Variants in VMA22 observed in about 807,000 individuals in gnomAD.
The protein encoded by VMA22 is vacuolar ATPase assembly protein VMA22.
At chr2:130,338,784 C>T in the VMA22 span, 2 of 264,858 alleles carry the variant, frequency 7.6e-6, no homozygotes, top group Non-Finnish European at 1.5e-5. Context: ...GCCCCCATCT[C>T]TCTTCGCACA....
At chr2:130,341,669 G>A in the VMA22 span, 2 of 1,610,456 alleles carry the variant, frequency 1.2e-6, no homozygotes, top group Non-Finnish European at 1.7e-6. Context: ...GGGCTCACCT[G>A]CTTCGCGAGG....
the VMA22 span, chr2:130,341,127 T>C: frequency 7.1e-7 from 1 of 1,412,266 alleles, no homozygotes; most frequent in Middle Eastern, 2.0e-4. Context: ...TCTGAGCTCA[T>C]GATTCTATAA....
the VMA22 span, chr2:130,341,209 C>G: frequency 1.4e-6 from 1 of 727,906 alleles, no homozygotes; most frequent in East Asian, 2.7e-5. Context: ...AGCCTTTCCC[C>G]TTGTGATTCA....
At chr2:130,339,529 C>T in the VMA22 span, 8 of 1,286,270 alleles carry the variant, frequency 6.2e-6, no homozygotes, top group Non-Finnish European at 8.1e-6. Flanking sequence ...TCCTTCCTTC[C>T]CCCATTATTA....
At chr2:130,342,137 C>A in the VMA22 span, 3 of 1,613,204 alleles carry the variant, frequency 1.9e-6, no homozygotes, top group Non-Finnish European at 2.5e-6. Flanking sequence ...GACACACCTC[C>A]AGATCTGGAG....
At chr2:130,340,826 C>T in the VMA22 span, 1 of 1,546,480 alleles carries the variant, frequency 6.5e-7, no homozygotes, top group Non-Finnish European at 8.9e-7. Context: ...CAGACTAACC[C>T]CAGCCATGGC....
chr2:130,342,018 C>A, the VMA22 span: 2 of 1,613,970 alleles, frequency 1.2e-6, no homozygotes, highest in African/African-American at 1.3e-5. Context: ...CGCCTACCTC[C>A]TCCACCCGGG....
At chr2:130,339,591 T>A in the VMA22 span, 1 of 1,297,488 alleles carries the variant, frequency 7.7e-7, no homozygotes, top group Non-Finnish European at 1.0e-6. Context: ...TCTCTGTTAG[T>A]CCACACTCTG....
the VMA22 span, chr2:130,339,765 GC>G: frequency 7.7e-7 from 1 of 1,303,652 alleles, no homozygotes; most frequent in Non-Finnish European, 1.0e-6. Context: ...CAGGACACCT[GC>G]CCCCAGGTGT....
At chr2:130,338,164 C>A in the VMA22 span, 1 of 152,164 alleles carries the variant, frequency 6.6e-6, no homozygotes, top group Non-Finnish European at 1.5e-5. Context: ...TTATCAGTTA[C>A]AAACCCAAAT....
the VMA22 span, chr2:130,341,863 G>T: frequency 1.6e-5 from 25 of 1,611,056 alleles, no homozygotes; most frequent in Non-Finnish European, 2.0e-5. Context: ...CAGACCTGGG[G>T]CTCCATGTGG....
At chr2:130,342,637 G>A in the VMA22 span, 1 of 485,222 alleles carries the variant, frequency 2.1e-6, no homozygotes, top group Non-Finnish European at 3.7e-6. Flanking sequence ...CGGTGGTGGG[G>A]GGAGGACGAG....
the VMA22 span, chr2:130,341,817 A>G: frequency 1.7e-5 from 2 of 116,036 alleles, no homozygotes; most frequent in Non-Finnish European, 3.7e-5. Flanking sequence ...CCGCCCACCC[A>G]GCCCAGCATG....
the VMA22 span, chr2:130,341,086 T>C: frequency 6.6e-7 from 1 of 1,520,264 alleles, no homozygotes; most frequent in Non-Finnish European, 8.8e-7. Context: ...CTCCCTGACC[T>C]TTATCATCTT....
the VMA22 span, chr2:130,338,632 C>G: frequency 6.5e-6 from 1 of 153,714 alleles, no homozygotes; most frequent in African/African-American, 2.4e-5. Flanking sequence ...GGCTTAGACC[C>G]TGCCAAGGGC....
At chr2:130,341,613 G>T in the VMA22 span, 1 of 1,404,908 alleles carries the variant, frequency 7.1e-7, no homozygotes, top group Non-Finnish European at 9.9e-7. Context: ...TCCATAATTT[G>T]CATTTTGTCT....
chr2:130,339,115 G>A, the VMA22 span: 37 of 1,606,436 alleles, frequency 2.3e-5, no homozygotes, highest in African/African-American at 2.7e-5. Flanking sequence ...CTCTTTGCGC[G>A]CATGTCAGGC....
At chr2:130,339,423 T>A in the VMA22 span, 1 of 1,421,114 alleles carries the variant, frequency 7.0e-7, no homozygotes. Flanking sequence ...TTCAGGTCTT[T>A]GCTAAAATGT....
At chr2:130,341,689 C>T in the VMA22 span, 1 of 1,611,614 alleles carries the variant, frequency 6.2e-7, no homozygotes, top group Non-Finnish European at 8.5e-7. Context: ...GCCCCACCTC[C>T]TCTGGGGCGT....
Sources: gnomAD v4.1 joint callset for allele counts on GRCh38, gnomAD v4.1.1 for gene constraint, MANE v1.5 for transcripts, NCBI Gene and HGNC (gene_info 2026-07-23, HGNC 2026-07-21) for gene names.